Variants in ATG5 observed in about 807,000 individuals in gnomAD.
The protein encoded by ATG5 is autophagy protein 5.
In ATG5, 14 loss-of-function variants were observed where a neutral mutation model predicts 36.5. The observed-to-expected ratio is 0.38, with a 90% CI of 0.25 to 0.60. ATG5 has a LOEUF of 0.60. Ranked by LOEUF, ATG5 falls within the 20% of genes least tolerant of loss-of-function variation. ATG5 has a pLI of 0.60. For synonymous variants in ATG5, 95 were observed against 101.5 expected (o/e 0.94, Z 0.38); for missense variants, 195 against 326.7 (o/e 0.60, Z 3.11).
chr6:106,200,603 T>A (rs1776388257), intron 7 of ATG5, among the ~76,000 whole-genome samples: 1 of 152,066 alleles, frequency 6.6e-6, no homozygotes, highest in Non-Finnish European at 1.5e-5. Flanking sequence ...GCCTCCCAAG[T>A]AGCTGGAACT....
At chr6:106,296,260 G>A (rs1360254208) in intron 3 of ATG5, among the ~76,000 whole-genome samples, 1 of 151,652 alleles carries the variant, frequency 6.6e-6, no homozygotes, top group Non-Finnish European at 1.5e-5. Flanking sequence ...ATTACCACAT[G>A]GAGCTACTGG....
intron 6 of ATG5, among the ~76,000 whole-genome samples, chr6:106,211,498 C>T (rs912143857): frequency 3.9e-5 from 6 of 152,150 alleles, no homozygotes; most frequent in Admixed American, 6.5e-5. Context: ...ATCATGAGGT[C>T]GGGAGTTCGA....
chr6:106,273,012 T>A (rs544891091), intron 5 of ATG5, among the ~76,000 whole-genome samples: 9 of 152,216 alleles, frequency 5.9e-5, no homozygotes, highest in Non-Finnish European at 1.3e-4. Flanking sequence ...ATTCTACTAT[T>A]TTCTTTGCTC....
intron 6 of ATG5, among the ~76,000 whole-genome samples, chr6:106,203,159 A>G (rs952672528): frequency 6.6e-6 from 1 of 152,252 alleles, no homozygotes; most frequent in Non-Finnish European, 1.5e-5. Context: ...CCAAAACAGC[A>G]GATCCAGCCA....
At chr6:106,225,928 G>T (rs973206433) in intron 6 of ATG5, among the ~76,000 whole-genome samples, 1 of 152,130 alleles carries the variant, frequency 6.6e-6, no homozygotes, top group East Asian at 1.9e-4. Flanking sequence ...AATCCAAAGG[G>T]GGTCTGAAAA....
intron 4 of ATG5, among the ~76,000 whole-genome samples, chr6:106,287,767 A>C (rs930196080): frequency 6.6e-6 from 1 of 152,192 alleles, no homozygotes; most frequent in African/African-American, 2.4e-5. Flanking sequence ...CACTGTTCTC[A>C]ACATGGACAA....
At chr6:106,220,780 A>G (rs1460449129) in intron 6 of ATG5, among the ~76,000 whole-genome samples, 2 of 152,138 alleles carry the variant, frequency 1.3e-5, no homozygotes, top group East Asian at 3.9e-4. Context: ...AAAAAATTAG[A>G]AGGTAGTTTT....
intron 6 of ATG5, among the ~76,000 whole-genome samples, chr6:106,211,043 A>G (rs1020021077): frequency 2.0e-5 from 3 of 152,292 alleles, no homozygotes; most frequent in Admixed American, 6.5e-5. Context: ...TTTTGGTCAT[A>G]CATATTGTTT....
At chr6:106,224,738 A>G (rs1015695587) in intron 6 of ATG5, among the ~76,000 whole-genome samples, 2 of 152,118 alleles carry the variant, frequency 1.3e-5, no homozygotes, top group African/African-American at 4.8e-5. Context: ...AAAATTAGCC[A>G]GGTGTGGTGG....
intron 5 of ATG5, among the ~76,000 whole-genome samples, chr6:106,274,364 A>G (rs1779565636): frequency 6.6e-6 from 1 of 152,154 alleles, no homozygotes; most frequent in African/African-American, 2.4e-5. Flanking sequence ...TGAAAGGCAC[A>G]GTATGTCCTA....
At chr6:106,273,428 G>A (rs879419585) in intron 5 of ATG5, among the ~76,000 whole-genome samples, 2 of 152,118 alleles carry the variant, frequency 1.3e-5, no homozygotes, top group African/African-American at 2.4e-5. Flanking sequence ...ATTCACCCAG[G>A]AAGTCCTTTT....
intron 4 of ATG5, among the ~76,000 whole-genome samples, chr6:106,291,103 G>A (rs980838045): frequency 1.3e-5 from 2 of 152,122 alleles, no homozygotes; most frequent in Non-Finnish European, 2.9e-5. Flanking sequence ...AAAAATAAGT[G>A]GCCAGTTCAG....
intron 3 of ATG5, among the ~76,000 whole-genome samples, chr6:106,297,982 T>TTTTA (rs1770036378): frequency 6.7e-6 from 1 of 149,548 alleles, no homozygotes; most frequent in African/African-American, 2.5e-5. Flanking sequence ...TTTTTTTTTT[T>TTTTA]GAGACAGAGT....
intron 6 of ATG5, among the ~76,000 whole-genome samples, chr6:106,237,730 T>C (rs1239350161): frequency 6.6e-6 from 1 of 152,204 alleles, no homozygotes; most frequent in Non-Finnish European, 1.5e-5. Flanking sequence ...ATAAAATGTA[T>C]GATATGAACA....
At chr6:106,318,707 A>G (rs1770953952) in intron 1 of ATG5, among the ~76,000 whole-genome samples, 1 of 152,214 alleles carries the variant, frequency 6.6e-6, no homozygotes, top group South Asian at 2.1e-4. Flanking sequence ...CAAAACAAAC[A>G]AACTCTGCAA....
intron 6 of ATG5, among the ~76,000 whole-genome samples, chr6:106,236,814 A>G (rs1777921493): frequency 6.6e-6 from 1 of 152,190 alleles, no homozygotes; most frequent in Non-Finnish European, 1.5e-5. Context: ...GTCTATTATT[A>G]TATGCCCCAT....
At chr6:106,262,411 T>A (rs1255664667) in intron 5 of ATG5, among the ~76,000 whole-genome samples, 1 of 152,114 alleles carries the variant, frequency 6.6e-6, no homozygotes, top group Admixed American at 6.5e-5. Flanking sequence ...CTAATGCTTT[T>A]GGCACACTTT....
At chr6:106,192,346 T>C (rs1211434355) in intron 7 of ATG5, among the ~76,000 whole-genome samples, 1 of 152,146 alleles carries the variant, frequency 6.6e-6, no homozygotes, top group Admixed American at 6.5e-5. Context: ...TCTAAAGATT[T>C]CTATTACTAA....
intron 6 of ATG5, among the ~76,000 whole-genome samples, chr6:106,206,778 T>C (rs1275754606): frequency 6.6e-6 from 1 of 152,162 alleles, no homozygotes; most frequent in Non-Finnish European, 1.5e-5. Context: ...CAGAGGTTCT[T>C]AAGGGCAATG....
Sources: allele counts gnomAD v4.1 joint callset (sites outside exome capture counted in the v4.1 genomes callset), GRCh38; gene constraint gnomAD v4.1.1; transcripts MANE v1.5; gene names NCBI Gene and HGNC (gene_info 2026-07-23, HGNC 2026-07-21).